INPP5D: variants seen among roughly 807,000 people sequenced by gnomAD.
INPP5D encodes the protein inositol polyphosphate-5-phosphatase D.
A neutral mutation model predicts 122.9 loss-of-function variants in INPP5D; 33 were observed. That is an observed-to-expected ratio of 0.27 (90% CI 0.20 to 0.36). INPP5D has a LOEUF of 0.36. INPP5D is among the 10% of genes least tolerant of loss of function. The probability of loss-of-function intolerance (pLI) is 1.00; values close to 1 mark genes in which losing one functional copy is unlikely to be tolerated. For synonymous variants in INPP5D, 584 were observed against 576.2 expected (o/e 1.01, Z -0.19); for missense variants, 1,053 against 1,412.7 (o/e 0.75, Z 4.08).
rs1232370302 is a variant in INPP5D at position 233,186,748 on chromosome 2, A to C, written c.2358+823A>C. Reference sequence around the variant, plus strand: ...TTTTTTTTTTTTTTTTTTGAGACAGAGTCTTGCTCTGTTGCCCAGGCTGGA... The same window carrying C: ...TTTTTTTTTTTTTTTTTTGAGACAGCGTCTTGCTCTGTTGCCCAGGCTGGA... On this transcript the variant is annotated intron_variant, in intron 21 of 26. Transcript: ENST00000445964. 6.5e-4 allele frequency among the ~76,000 whole-genome samples: 35 copies of C among 54,172 alleles called. 1 individual carries two copies. Among genetic ancestry groups the C allele is most frequent in the African/African-American group, 2.1e-3 (34 of 15,842 alleles). The allele number at this position is 54,172 out of a possible 152,430, so 35.5% of individuals were successfully genotyped here.
chr2:233,096,876 C>T (rs1400963920), intron 2 of INPP5D, among the ~76,000 whole-genome samples: 3 of 152,044 alleles, frequency 2.0e-5, no homozygotes, highest in Non-Finnish European at 2.9e-5. Flanking sequence ...TGCGTTTTGT[C>T]ATGTGGAAGT....
Position 233,170,477 on chromosome 2 carries a change from G to A in INPP5D, c.1792-19G>A, listed in dbSNP as rs1206244095. On this transcript the variant is annotated intron_variant, in intron 15 of 26. Coordinates refer to ENST00000445964, the MANE Select transcript of INPP5D (RefSeq NM_001017915.3). This position sits in a 1 kb window ranked among gnomAD's most constrained non-coding sequence, Gnocchi z 4.5. The stretch of plus-strand genomic sequence containing the variant: ...CAGCAGGGCTTCTCACCAGAGGCCC[G>A]GGCATGTTCTTGTTCCAGGAGGCAG... 3.1e-6 allele frequency: 5 copies of A among 1,613,352 alleles called. No homozygotes were observed. The highest frequency in any genetic ancestry group is 1.1e-5 in the South Asian group (1 of 91,010).
intron 10 of INPP5D, 111 bp downstream of exon 10, chr2:233,158,530 A>T (rs1221850275): frequency 3.6e-6 from 2 of 554,498 alleles, no homozygotes; most frequent in Admixed American, 3.4e-5. Context: ...AGTTCCCAGA[A>T]CAACCCATTT....
intron 2 of INPP5D, among the ~76,000 whole-genome samples, chr2:233,084,816 G>T (rs1002526293): frequency 6.6e-6 from 1 of 152,238 alleles, no homozygotes; most frequent in South Asian, 2.1e-4. Flanking sequence ...TGCCCTGTGT[G>T]GGCTCCACAG....
At position 233,164,366 on chromosome 2, in the gene INPP5D, G is replaced by C; in HGVS notation, c.1497G>C (p.Glu499Asp). 1 of 1,552,960 alleles carries C rather than the reference G, an allele frequency of 6.4e-7. No individual in the cohort carries two copies. Among genetic ancestry groups the C allele is most frequent in the Admixed American group, 2.0e-5 (1 of 51,088 alleles). The change falls in exon 13 of 27, where the codon GAG becomes GAC. Residue 499 changes from glutamate (E) to aspartate (D), a missense_variant. Around this residue, in one of 6 missense-constraint regions of INPP5D, gnomAD observed 105 missense variants for 199.8 expected, o/e 0.53. Coordinates refer to ENST00000445964, the MANE Select transcript of INPP5D (RefSeq NM_001017915.3). This position sits in a 1 kb window ranked among gnomAD's most constrained non-coding sequence, Gnocchi z 4.3. ...TGGTGCTGGCCAAGCCTGAGCACGAGAACCGGATCAGCCACATCTGTACTG... is the reference window on the plus strand; with the variant it reads ...TGGTGCTGGCCAAGCCTGAGCACGACAACCGGATCAGCCACATCTGTACTG... ...RIVVLAKPEH[E>D]NRISHICTDN...
intron 22 of INPP5D, among the ~76,000 whole-genome samples, chr2:233,191,474 T>TG (rs1695054793): frequency 1.3e-5 from 2 of 152,354 alleles, no homozygotes; most frequent in South Asian, 4.1e-4. Flanking sequence ...TTCTACTTCT[T>TG]GCACTGGGTT....
At chr2:233,150,744 G>A (rs1383546665) in intron 9 of INPP5D, among the ~76,000 whole-genome samples, 2 of 152,182 alleles carry the variant, frequency 1.3e-5, no homozygotes, top group African/African-American at 4.8e-5. Context: ...AGGGAACGCT[G>A]GCACATGGGC....
rs1488559504 is a variant in INPP5D, at chr2:233,160,062, C to T, written c.1137+1643C>T. 6.6e-6 allele frequency among the ~76,000 whole-genome samples: 1 copy of T among 152,186 alleles called. No homozygotes were observed. The highest frequency in any genetic ancestry group is 2.4e-5 in the African/African-American group (1 of 41,450). ...CACCAGCTCTGCCCCATTGCTGCGA[C>T]CTCAAAAGGACTGAGGCACAGGGAT... On this transcript the variant is annotated intron_variant, in intron 10 of 26. Transcript: ENST00000445964. The surrounding 1 kb of genome is among the most constrained non-coding windows in gnomAD (Gnocchi z 4.2).
chr2:233,104,085 A>G (rs1221008903), intron 2 of INPP5D, among the ~76,000 whole-genome samples: 1 of 135,356 alleles, frequency 7.4e-6, no homozygotes, highest in African/African-American at 2.9e-5. Flanking sequence ...ATCTTGGCTC[A>G]CTGCAACCTC....
chr2:233,142,153 C>A (rs1693644506), intron 6 of INPP5D, among the ~76,000 whole-genome samples: 2 of 152,178 alleles, frequency 1.3e-5, no homozygotes, highest in African/African-American at 2.4e-5. Flanking sequence ...CTGGTGGAGG[C>A]CAGTCTCTGC....
chr2:233,061,059 G>A (rs1302221244), intron 1 of INPP5D, among the ~76,000 whole-genome samples: 1 of 152,228 alleles, frequency 6.6e-6, no homozygotes, highest in African/African-American at 2.4e-5. Flanking sequence ...CCTGGAGGAA[G>A]CTGTTGTTTG....
chr2:233,170,920 A>G lies in INPP5D; in HGVS notation c.1901-144A>G. On this transcript the variant is annotated intron_variant, in intron 16 of 26. Transcript: ENST00000445964. The surrounding 1 kb of genome is among the most constrained non-coding windows in gnomAD (Gnocchi z 4.5). ...GACTCCGTCTCAAAAAAAAAAAAAA[A>G]AAAAGCAGCAGCCTCTCCTCTTGGA... 1 of 1,243,090 alleles carries G rather than the reference A, an allele frequency of 8.0e-7. No individual in the cohort carries two copies. Among genetic ancestry groups the G allele is most frequent in the Non-Finnish European group, 1.1e-6 (1 of 914,450 alleles). The allele number at this position is 1,243,090 out of a possible 1,614,324, so 77.0% of individuals were successfully genotyped here.
At chr2:233,084,862 G>A (rs1691790805) in intron 2 of INPP5D, among the ~76,000 whole-genome samples, 1 of 152,238 alleles carries the variant, frequency 6.6e-6, no homozygotes, top group Non-Finnish European at 1.5e-5. Context: ...GGGGGTCCGT[G>A]CTGGTGGAGG....
intron 9 of INPP5D, among the ~76,000 whole-genome samples, chr2:233,153,740 G>A (rs1440646579): frequency 6.6e-6 from 1 of 152,212 alleles, no homozygotes; most frequent in African/African-American, 2.4e-5. Flanking sequence ...TTTGGCAGAA[G>A]ATTGGATATT....
chr2:233,105,179 A>G lies in INPP5D; in HGVS notation c.199-16928A>G, dbSNP rs9750891. Among the ~76,000 whole-genome samples, 24,378 of 152,176 alleles carry G rather than the reference A, an allele frequency of 0.16. 3,357 individuals carry two copies. The highest frequency in any genetic ancestry group is 0.38 in the African/African-American group (15,574 of 41,474). On this transcript the variant is annotated intron_variant, in intron 2 of 26. Transcript: ENST00000445964. This position sits in a 1 kb window ranked among gnomAD's most constrained non-coding sequence, Gnocchi z 4.0. ...CTTAGGTCTTTGGCAGCAAAGCAAC[A>G]GAGCCCCCAGAAGTGGGGATGGGAG...
chr2:233,173,208 CA>C (rs199492575), intron 17 of INPP5D, among the ~76,000 whole-genome samples: 44,696 of 100,060 alleles, frequency 0.45, 7,402 homozygotes, highest in Non-Finnish European at 0.5. Context: ...GACTGTGTCT[CA>C]AAAAAAAAAA....
intron 11 of INPP5D, among the ~76,000 whole-genome samples, chr2:233,163,493 G>T (rs186555687): frequency 6.6e-6 from 1 of 152,104 alleles, no homozygotes; most frequent in African/African-American, 2.4e-5. Flanking sequence ...TTGACATTAC[G>T]TTTAAAAAGA....
intron 18 of INPP5D, among the ~76,000 whole-genome samples, chr2:233,181,531 C>T (rs1694783150): frequency 6.6e-6 from 1 of 152,160 alleles, no homozygotes; most frequent in Non-Finnish European, 1.5e-5. Flanking sequence ...CCTTGAGTGC[C>T]CATTTCCTGC....
At chr2:233,143,870 TA>T (rs1161504556) in intron 6 of INPP5D, among the ~76,000 whole-genome samples, 3 of 132,672 alleles carry the variant, frequency 2.3e-5, no homozygotes, top group Non-Finnish European at 4.8e-5. Flanking sequence ...ATGGGAGTGA[TA>T]GGGGAGGAGA....
Sources: allele counts gnomAD v4.1 joint callset (sites outside exome capture counted in the v4.1 genomes callset), GRCh38; gene constraint gnomAD v4.1.1; regional missense constraint gnomAD v4.1.1; non-coding constraint Gnocchi (gnomAD v3.1); transcripts MANE v1.5; gene names NCBI Gene and HGNC (gene_info 2026-07-23, HGNC 2026-07-21).